CELF4: variants seen among roughly 807,000 people sequenced by gnomAD.
CELF4 encodes the protein CUGBP Elav-like family member 4.
In CELF4, 18 loss-of-function variants were observed where a neutral mutation model predicts 59.9. That is an observed-to-expected ratio of 0.30 (90% CI 0.21 to 0.45). The LOEUF is 0.45. Among genes scored for constraint, CELF4 ranks in the 20% least tolerant of loss-of-function variants. The pLI is 1.00. For missense variants in CELF4, 456 were observed against 689.0 expected, an observed-to-expected ratio of 0.66 and a Z score of 3.79; for synonymous variants, 261 against 267.1, an observed-to-expected ratio of 0.98 and a Z score of 0.22.
At chr18:37,260,257 G>C (rs1374867980) in intron 10 of CELF4, among the ~76,000 whole-genome samples, 8 of 152,210 alleles carry the variant, frequency 5.3e-5, no homozygotes, top group Middle Eastern at 6.8e-3. Flanking sequence ...CACTATGCAG[G>C]GCTTTAGCTT....
intron 2 of CELF4, among the ~76,000 whole-genome samples, chr18:37,353,233 A>AAAATATATATATATATATATATATATAT (rs71168258): frequency 2.8e-5 from 3 of 106,972 alleles, no homozygotes. Context: ...AAAAAAAAAA[A>AAAATATATATATATATATATATATATAT]ATATATATAT....
intron 2 of CELF4, among the ~76,000 whole-genome samples, chr18:37,432,460 G>A (rs2099672840): frequency 1.3e-5 from 2 of 152,232 alleles, no homozygotes; most frequent in Non-Finnish European, 2.9e-5. Flanking sequence ...ATCATGGTAG[G>A]CACACTATCC....
chr18:37,428,634 G>A (rs114884714), intron 2 of CELF4, among the ~76,000 whole-genome samples: 5 of 152,252 alleles, frequency 3.3e-5, no homozygotes, highest in African/African-American at 9.6e-5. Flanking sequence ...CAGGATCATC[G>A]AATTCCCTTT....
intron 1 of CELF4, among the ~76,000 whole-genome samples, chr18:37,549,745 C>T (rs751581613): frequency 1.1e-4 from 17 of 152,112 alleles, no homozygotes; most frequent in Non-Finnish European, 2.5e-4. Flanking sequence ...CATAATTTAA[C>T]TTCTATGATA....
intron 3 of CELF4, among the ~76,000 whole-genome samples, chr18:37,302,284 C>T (rs2096101318): frequency 2.0e-5 from 3 of 152,124 alleles, no homozygotes; most frequent in Non-Finnish European, 4.4e-5. Flanking sequence ...GTTGGCTAAG[C>T]CCCAGTGTGT....
At chr18:37,461,054 C>T (rs2099792076) in intron 2 of CELF4, among the ~76,000 whole-genome samples, 2 of 152,224 alleles carry the variant, frequency 1.3e-5, no homozygotes, top group African/African-American at 4.8e-5. Context: ...TTTCACTCAA[C>T]AGCTCTTCCC....
In CELF4 at chr18:37,485,625, C is replaced by T. The variant is rs576960679; in HGVS notation, c.287-18G>A. On this transcript the variant is annotated intron_variant, in intron 1 of 12. Transcript: ENST00000420428. The stretch of plus-strand genomic sequence containing the variant: ...GGCGCAGCCTGGGGAGGAAAGCAAG[C>T]GCCAAGAAGGGTCAGTGGGGCGCCC... 3 of 1,416,894 alleles carry T rather than the reference C, an allele frequency of 2.1e-6. No individual in the cohort carries two copies. The highest frequency in any genetic ancestry group is 2.8e-5 in the East Asian group (1 of 35,282). The allele number at this position is 1,416,894 out of a possible 1,614,324, so 87.8% of individuals were successfully genotyped here.
intron 2 of CELF4, among the ~76,000 whole-genome samples, chr18:37,416,501 T>C (rs144367289): frequency 6.6e-6 from 1 of 152,344 alleles, no homozygotes; most frequent in African/African-American, 2.4e-5. Context: ...AGCATCTTGG[T>C]ACCTGCTTCA....
intron 2 of CELF4, among the ~76,000 whole-genome samples, chr18:37,402,881 C>A (rs1431412994): frequency 3.3e-5 from 5 of 152,142 alleles, no homozygotes; most frequent in African/African-American, 1.2e-4. Flanking sequence ...TTCTGAGGAG[C>A]CTTCCCTGGG....
At chr18:37,450,664 G>GGGC (rs2099760817) in intron 2 of CELF4, among the ~76,000 whole-genome samples, 1 of 151,950 alleles carries the variant, frequency 6.6e-6, no homozygotes, top group African/African-American at 2.4e-5. Flanking sequence ...TGGGGCCTCC[G>GGGC]GGCAGCACAG....
At chr18:37,274,689 A>C (rs2092702169) in intron 5 of CELF4, 116 bp downstream of exon 5, 21 of 1,493,182 alleles carry the variant, frequency 1.4e-5, no homozygotes, top group Non-Finnish European at 1.9e-5. Flanking sequence ...GAGGCCCGGA[A>C]TAAGGGTCAT....
At chr18:37,484,452 T>C (rs560944364) in intron 2 of CELF4, among the ~76,000 whole-genome samples, 2 of 152,354 alleles carry the variant, frequency 1.3e-5, no homozygotes, top group South Asian at 2.1e-4. Context: ...GATTTCCATA[T>C]ATTTGCATCT....
intron 10 of CELF4, among the ~76,000 whole-genome samples, chr18:37,261,853 T>C (rs2074727603): frequency 6.6e-6 from 1 of 152,160 alleles, no homozygotes; most frequent in Non-Finnish European, 1.5e-5. Context: ...AGAAGGGTCC[T>C]CCCCTGCCAC....
At chr18:37,445,894 C>CCTT (rs1193918542) in intron 2 of CELF4, among the ~76,000 whole-genome samples, 1 of 152,194 alleles carries the variant, frequency 6.6e-6, no homozygotes, top group African/African-American at 2.4e-5. Context: ...TCCTCCTCCT[C>CCTT]CTTATCATCT....
chr18:37,255,264 C>T lies in CELF4; in HGVS notation c.1334-1326G>A, dbSNP rs538352063. Among the ~76,000 whole-genome samples the T allele has an allele frequency of 4.6e-5, 7 of 152,054 alleles. No homozygotes were observed. The South Asian group carries it at 1.5e-3, about 32-fold the overall frequency. On this transcript the variant is annotated intron_variant, in intron 11 of 12. Coordinates refer to ENST00000420428, the MANE Select transcript of CELF4 (RefSeq NM_020180.4). ...CTTCTCAGTTTATTGTCTGTGGTAC[C>T]TCGGGCCTGCCTTGGGACTTCTCTC...
intron 1 of CELF4, among the ~76,000 whole-genome samples, chr18:37,489,379 G>C (rs1293403305): frequency 6.6e-6 from 1 of 152,166 alleles, no homozygotes; most frequent in African/African-American, 2.4e-5. Flanking sequence ...GCCATCACAG[G>C]GTGCTGTGGA....
chr18:37,498,869 T>C (rs1035332522), intron 1 of CELF4, among the ~76,000 whole-genome samples: 1 of 152,164 alleles, frequency 6.6e-6, no homozygotes, highest in Non-Finnish European at 1.5e-5. Flanking sequence ...TTCCAGAATC[T>C]GTGAAATGGG....
At chr18:37,432,411 G>A (rs1167238394) in intron 2 of CELF4, among the ~76,000 whole-genome samples, 1 of 152,220 alleles carries the variant, frequency 6.6e-6, no homozygotes, top group Non-Finnish European at 1.5e-5. Flanking sequence ...TATTTGAAAA[G>A]ACCAAATTAG....
At chr18:37,351,365 G>A (rs566620893) in intron 2 of CELF4, among the ~76,000 whole-genome samples, 2 of 152,180 alleles carry the variant, frequency 1.3e-5, no homozygotes, top group East Asian at 3.9e-4. Context: ...TCCAAGAAAC[G>A]ATGCCTCTCC....
Sources: gnomAD v4.1 joint callset for allele counts (sites outside exome capture counted in the v4.1 genomes callset) on GRCh38, gnomAD v4.1.1 for gene constraint, MANE v1.5 for transcripts, NCBI Gene and HGNC (gene_info 2026-07-23, HGNC 2026-07-21) for gene names.